The following NAV2 variants were observed in gnomAD, a reference collection of about 807,000 sequenced individuals.
The protein encoded by NAV2 is neuron navigator 2.
In NAV2, 54 loss-of-function variants were observed where a neutral mutation model predicts 223.2. That is an observed-to-expected ratio of 0.24 (90% CI 0.19 to 0.30). The LOEUF (loss-of-function observed/expected upper bound fraction) is 0.30, where lower values mean the gene tolerates loss of function less well. NAV2 is among the 10% of genes least tolerant of loss of function. The pLI, the probability that NAV2 is intolerant of heterozygous loss-of-function variation, is 1.00. For missense variants in NAV2, 2,806 were observed against 3,147.5 expected (o/e 0.89, Z 2.60); for synonymous variants, 1,279 against 1,239.3 (o/e 1.03, Z -0.67).
At chr11:19,810,777 C>T (rs900130937) in intron 1 of NAV2, among the ~76,000 whole-genome samples, 2 of 152,156 alleles carry the variant, frequency 1.3e-5, no homozygotes, top group Non-Finnish European at 2.9e-5. Flanking sequence ...GGTAGATGCC[C>T]ACCTGGGATT....
At chr11:20,101,462 T>A (rs1232381193) in intron 32 of NAV2, among the ~76,000 whole-genome samples, 2 of 152,164 alleles carry the variant, frequency 1.3e-5, no homozygotes, top group Non-Finnish European at 2.9e-5. Context: ...TTACTGATTT[T>A]CCAAAGTAAA....
chr11:20,071,728 G>A (rs1366156204), intron 22 of NAV2, among the ~76,000 whole-genome samples: 4 of 152,166 alleles, frequency 2.6e-5, no homozygotes, highest in Admixed American at 6.5e-5. Context: ...CTGCATAAAT[G>A]TCTTCTTTTG....
intron 1 of NAV2, among the ~76,000 whole-genome samples, chr11:19,435,968 A>G (rs1851199897): frequency 6.6e-6 from 1 of 151,872 alleles, no homozygotes; most frequent in African/African-American, 2.4e-5. Flanking sequence ...TTTGGATATC[A>G]GCTCCTTATC....
At chr11:19,600,739 C>T (rs2046330490) in intron 1 of NAV2, among the ~76,000 whole-genome samples, 1 of 152,106 alleles carries the variant, frequency 6.6e-6, no homozygotes, top group Non-Finnish European at 1.5e-5. Flanking sequence ...TAAGTTAATA[C>T]ACATAAAAGC....
At chr11:20,033,609 G>T (rs1292626649) in intron 11 of NAV2, among the ~76,000 whole-genome samples, 4 of 152,266 alleles carry the variant, frequency 2.6e-5, no homozygotes, top group East Asian at 3.9e-4. Flanking sequence ...CACTCTCCCT[G>T]CCTCATCCTC....
At position 19,984,223 on chromosome 11, in the gene NAV2, C is replaced by T. The variant is rs1041381518; in HGVS notation, c.2744C>T (p.Ser915Phe). The change falls in exon 11 of 38, where the codon TCC becomes TTC. Residue 915 changes from serine (S) to phenylalanine (F), a missense_variant. By Grantham distance (155) the Ser-to-Phe change is radical. Coordinates refer to ENST00000349880, the MANE Select transcript of NAV2 (RefSeq NM_145117.5). The part of the protein sequence containing the change: ...VVRETLQRNT[S>F]LGLGDADSWD... ...CGGGAGACCCTGCAACGAAATACCT[C>T]CCTGGGCCTCGGAGACGCTGACAGG... is the stretch of plus-strand genomic sequence containing the variant. 8.7e-6 allele frequency: 14 copies of T among 1,614,184 alleles called. No individual in the cohort carries two copies. Among genetic ancestry groups the T allele is most frequent in the Non-Finnish European group, 1.2e-5 (14 of 1,180,006 alleles).
intron 1 of NAV2, among the ~76,000 whole-genome samples, chr11:19,563,026 A>ATTAAC (rs10667051): frequency 0.097 from 14,788 of 152,178 alleles, 1,295 homozygotes; most frequent in African/African-American, 0.22. Flanking sequence ...CAGAGACCCA[A>ATTAAC]TTAACATCTG....
chr11:19,862,818 G>C (rs1039129828), intron 3 of NAV2, among the ~76,000 whole-genome samples: 1 of 152,202 alleles, frequency 6.6e-6, no homozygotes. Context: ...TGACCTCTAG[G>C]AGTATAGAGG....
chr11:19,998,122 T>A lies in NAV2; in HGVS notation c.2768+13875T>A, dbSNP rs2052109491. ...TATACAGTAGGAGACGTTTGCTATA[T>A]TTTAGGTAATTAATATTATCCTAAG... On this transcript the variant is annotated intron_variant, in intron 11 of 37. Coordinates refer to ENST00000349880, the MANE Select transcript of NAV2 (RefSeq NM_145117.5). This position sits in a 1 kb window ranked among gnomAD's most constrained non-coding sequence, Gnocchi z 5.0. 8.0e-6 allele frequency among the ~76,000 whole-genome samples: 1 copy of A among 125,662 alleles called. No individual in the cohort carries two copies. The highest frequency in any genetic ancestry group is 1.9e-5 in the Non-Finnish European group (1 of 52,598). 82.4% of individuals were successfully genotyped at this position (125,662 alleles called of 152,430 possible). A position where few individuals can be genotyped will look rare whatever the true frequency, so the allele number is the denominator to read the frequency against.
intron 1 of NAV2, among the ~76,000 whole-genome samples, chr11:19,359,640 C>T (rs1376634967): frequency 6.6e-6 from 1 of 152,176 alleles, no homozygotes; most frequent in Non-Finnish European, 1.5e-5. Context: ...AATGACGTCA[C>T]CAGTCATTTA....
chr11:19,387,464 A>C (rs1447517414), intron 1 of NAV2, among the ~76,000 whole-genome samples: 1 of 152,158 alleles, frequency 6.6e-6, no homozygotes, highest in East Asian at 1.9e-4. Context: ...GGTGCACGAG[A>C]GAAGATGCTG....
At chr11:19,765,689 G>C in intron 1 of NAV2, among the ~76,000 whole-genome samples, 1 of 152,110 alleles carries the variant, frequency 6.6e-6, no homozygotes, top group East Asian at 1.9e-4. Context: ...GTAGCTTGCT[G>C]GCTGTTTGGG....
intron 1 of NAV2, among the ~76,000 whole-genome samples, chr11:19,374,887 C>G (rs1034661690): frequency 6.6e-6 from 1 of 152,202 alleles, no homozygotes; most frequent in Non-Finnish European, 1.5e-5. Context: ...CTTTCCCTAT[C>G]AAGGCCTTGC....
intron 1 of NAV2, among the ~76,000 whole-genome samples, chr11:19,788,451 C>T (rs2057298467): frequency 6.6e-6 from 1 of 152,148 alleles, no homozygotes; most frequent in South Asian, 2.1e-4. Context: ...TTGAGCCTCC[C>T]CAGTAGATCT....
At chr11:19,619,751 G>C (rs1285585326) in intron 1 of NAV2, among the ~76,000 whole-genome samples, 1 of 152,160 alleles carries the variant, frequency 6.6e-6, no homozygotes, top group Non-Finnish European at 1.5e-5. Flanking sequence ...CTGTGCAGAA[G>C]CTCTTTAGTT....
At chr11:19,705,623 T>C (rs2049639842) in intron 1 of NAV2, among the ~76,000 whole-genome samples, 2 of 152,098 alleles carry the variant, frequency 1.3e-5, no homozygotes, top group African/African-American at 4.8e-5. Flanking sequence ...TGTCTATCTC[T>C]TTTCTCTGTT....
intron 1 of NAV2, among the ~76,000 whole-genome samples, chr11:19,634,581 T>C (rs567691918): frequency 1.3e-5 from 2 of 152,322 alleles, no homozygotes; most frequent in South Asian, 4.1e-4. Flanking sequence ...ATTCATTCGT[T>C]CCTTCAAAAA....
At chr11:19,968,237 G>A (rs1181081137) in intron 10 of NAV2, among the ~76,000 whole-genome samples, 2 of 152,114 alleles carry the variant, frequency 1.3e-5, no homozygotes, top group Admixed American at 6.6e-5. Context: ...CACTCTTGTT[G>A]CCCAGGCTGG....
At chr11:19,804,849 C>T (rs968627005) in intron 1 of NAV2, among the ~76,000 whole-genome samples, 1 of 152,148 alleles carries the variant, frequency 6.6e-6, no homozygotes, top group African/African-American at 2.4e-5. Context: ...GGCATTCTAA[C>T]CCAGTGCTTT....
Sources: allele counts gnomAD v4.1 joint callset (sites outside exome capture counted in the v4.1 genomes callset), GRCh38; gene constraint gnomAD v4.1.1; non-coding constraint Gnocchi (gnomAD v3.1); transcripts MANE v1.5; gene names NCBI Gene and HGNC (gene_info 2026-07-23, HGNC 2026-07-21).